The following HERC3 variants were observed in gnomAD, a reference collection of about 807,000 sequenced individuals.
HERC3 encodes the protein probable E3 ubiquitin-protein ligase HERC3.
HERC3 carries 58 observed loss-of-function variants against 129.9 expected under a neutral mutation model. The observed-to-expected ratio is 0.45, with a 90% CI of 0.36 to 0.56. The LOEUF (loss-of-function observed/expected upper bound fraction) is 0.56, where lower values mean the gene tolerates loss of function less well. Among genes scored for constraint, HERC3 ranks in the 20% least tolerant of loss-of-function variants. HERC3 has a pLI of 0.00. For missense variants in HERC3, 835 were observed against 1,244.2 expected, an observed-to-expected ratio of 0.67 and a Z score of 4.95; for synonymous variants, 430 against 451.0, an observed-to-expected ratio of 0.95 and a Z score of 0.59.
At chr4:88,600,330 A>G (rs1722842836) in intron 2 of HERC3, among the ~76,000 whole-genome samples, 1 of 152,244 alleles carries the variant, frequency 6.6e-6, no homozygotes, top group Non-Finnish European at 1.5e-5. Flanking sequence ...ATACAGAGCC[A>G]TTGTTTCTGA....
At chr4:88,585,893 T>C in the HERC3 span, among the ~76,000 whole-genome samples, 2 of 152,216 alleles carry the variant, frequency 1.3e-5, no homozygotes, top group African/African-American at 4.8e-5. Context: ...TTAAAATGAC[T>C]TACAAAATTA....
chr4:88,660,127 G>A (rs1730331161), intron 10 of HERC3, among the ~76,000 whole-genome samples: 1 of 152,060 alleles, frequency 6.6e-6, no homozygotes, highest in African/African-American at 2.4e-5. Flanking sequence ...AGATACAGAG[G>A]CTGATCAAAT....
chr4:88,527,775 G>A, the HERC3 span: 1 of 319,386 alleles, frequency 3.1e-6, no homozygotes, highest in African/African-American at 2.2e-5. Context: ...TCATTCTGCT[G>A]CCGGTTATCC....
the HERC3 span, among the ~76,000 whole-genome samples, chr4:88,532,902 T>C: frequency 9.3e-3 from 1,416 of 152,308 alleles, 27 homozygotes; most frequent in African/African-American, 0.032. Flanking sequence ...TAGAGTTCTC[T>C]AGAGGGACAG....
intron 23 of HERC3, among the ~76,000 whole-genome samples, chr4:88,695,182 A>G (rs1226918690): frequency 1.3e-5 from 2 of 151,982 alleles, no homozygotes; most frequent in African/African-American, 2.4e-5. Context: ...TATTATTCTG[A>G]TTTTCTCTTT....
chr4:88,552,296 T>C, the HERC3 span, among the ~76,000 whole-genome samples: 1 of 150,476 alleles, frequency 6.6e-6, no homozygotes, highest in African/African-American at 2.4e-5. Context: ...AAAAAAAAAG[T>C]CTCGTTTTCC....
the HERC3 span, among the ~76,000 whole-genome samples, chr4:88,550,746 G>A: frequency 6.7e-6 from 1 of 148,892 alleles, no homozygotes; most frequent in African/African-American, 2.5e-5. Context: ...TCCCCATCAA[G>A]CTACCAATGA....
intron 3 of HERC3, among the ~76,000 whole-genome samples, chr4:88,639,940 T>C (rs976329465): frequency 1.3e-5 from 2 of 151,606 alleles, no homozygotes; most frequent in African/African-American, 4.8e-5. Flanking sequence ...GACAATTCAG[T>C]AAGGAAGACA....
At chr4:88,641,129 A>G (rs981781922) in intron 3 of HERC3, among the ~76,000 whole-genome samples, 1 of 152,246 alleles carries the variant, frequency 6.6e-6, no homozygotes, top group Admixed American at 6.5e-5. Context: ...CTGGAATTCA[A>G]CTAGAAATTA....
intron 3 of HERC3, among the ~76,000 whole-genome samples, chr4:88,607,496 C>T (rs944886541): frequency 2.0e-5 from 3 of 152,004 alleles, no homozygotes; most frequent in Non-Finnish European, 4.4e-5. Context: ...CAGGATCTGG[C>T]TCTGTCGCCC....
At chr4:88,538,683 A>G in the HERC3 span, among the ~76,000 whole-genome samples, 1 of 151,788 alleles carries the variant, frequency 6.6e-6, no homozygotes, top group African/African-American at 2.4e-5. Context: ...AGCTGGGACT[A>G]CAGGTGCACG....
chr4:88,674,972 C>T (rs149697780), intron 16 of HERC3, among the ~76,000 whole-genome samples: 10 of 152,230 alleles, frequency 6.6e-5, no homozygotes, highest in African/African-American at 2.2e-4. Flanking sequence ...GCTGCTTATT[C>T]GCATACTACT....
chr4:88,618,372 G>GCCTTTA (rs1725152100), intron 3 of HERC3, among the ~76,000 whole-genome samples: 3 of 152,150 alleles, frequency 2.0e-5, no homozygotes, highest in African/African-American at 7.2e-5. Flanking sequence ...AGTGGTGAAT[G>GCCTTTA]GGCATATAGT....
At chr4:88,635,277 A>G (rs1727255139) in intron 3 of HERC3, among the ~76,000 whole-genome samples, 1 of 152,074 alleles carries the variant, frequency 6.6e-6, no homozygotes, top group Non-Finnish European at 1.5e-5. Context: ...AGAGCTGCTA[A>G]CTAGAATAAC....
At chr4:88,651,025 A>G (rs1412863531) in intron 4 of HERC3, among the ~76,000 whole-genome samples, 1 of 152,160 alleles carries the variant, frequency 6.6e-6, no homozygotes, top group East Asian at 1.9e-4. Context: ...AGGACAGGTA[A>G]TGTCTTAGAT....
the HERC3 span, among the ~76,000 whole-genome samples, chr4:88,567,403 G>C: frequency 6.6e-6 from 1 of 151,982 alleles, no homozygotes; most frequent in Non-Finnish European, 1.5e-5. Flanking sequence ...TCCTCTTTAA[G>C]GCCAATAACT....
chr4:88,600,563 A>G (rs553182065), intron 2 of HERC3, among the ~76,000 whole-genome samples: 1 of 152,394 alleles, frequency 6.6e-6, no homozygotes, highest in East Asian at 1.9e-4. Flanking sequence ...TCAGCCTCAC[A>G]TCAGTGCTAT....
intron 3 of HERC3, among the ~76,000 whole-genome samples, chr4:88,641,982 TA>T (rs1381813219): frequency 1.3e-5 from 2 of 151,242 alleles, no homozygotes; most frequent in African/African-American, 4.9e-5. Context: ...TAAAAAAAAT[TA>T]ACTTGGGCAT....
intron 3 of HERC3, among the ~76,000 whole-genome samples, chr4:88,628,486 G>C (rs370134200): frequency 7.2e-5 from 11 of 151,856 alleles, no homozygotes; most frequent in African/African-American, 2.7e-4. Context: ...CATCCAACCT[G>C]ACTCTCTCTT....
Sources: allele counts gnomAD v4.1 joint callset (sites outside exome capture counted in the v4.1 genomes callset), GRCh38; gene constraint gnomAD v4.1.1; transcripts MANE v1.5; gene names NCBI Gene and HGNC (gene_info 2026-07-23, HGNC 2026-07-21).